NIPAL3: variants seen among roughly 807,000 people sequenced by gnomAD.
The protein encoded by NIPAL3 is NIPA like domain containing 3, also known as NIPA-like protein 3.
Under a neutral mutation model 47.2 loss-of-function variants are expected in NIPAL3, and 41 were observed. The observed-to-expected ratio is 0.87, with a 90% CI of 0.68 to 1.13. The LOEUF is 1.13. NIPAL3 is among the 50% of genes most tolerant of loss of function. The pLI, the probability that NIPAL3 is intolerant of heterozygous loss-of-function variation, is 0.00. For synonymous variants in NIPAL3, 194 were observed against 209.6 expected, an observed-to-expected ratio of 0.93 and a Z score of 0.64; for missense variants, 449 against 530.1, an observed-to-expected ratio of 0.85 and a Z score of 1.50.
Position 24,417,941 on chromosome 1 carries a change from A to G in NIPAL3, c.-257-1350A>G, listed in dbSNP as rs75331978. On this transcript the variant is annotated intron_variant, in intron 1 of 11. Transcript: ENST00000374399. Reference sequence around the variant, plus strand: ...TAAATATTTGTTGGATGAATGCATGAGAGAGAAAGGAATGGACAAAATAAA... The same window carrying G: ...TAAATATTTGTTGGATGAATGCATGGGAGAGAAAGGAATGGACAAAATAAA... 1.2e-3 allele frequency among the ~76,000 whole-genome samples: 185 copies of G among 152,366 alleles called. 2 individuals carry two copies. The East Asian group carries it at 0.032, about 27-fold the overall frequency.
At chr1:24,432,857 G>A (rs1049707906) in intron 2 of NIPAL3, among the ~76,000 whole-genome samples, 1 of 152,248 alleles carries the variant, frequency 6.6e-6, no homozygotes, top group Admixed American at 6.5e-5. Context: ...AGGCTAGTCT[G>A]TCAGTTTCCA....
intron 4 of NIPAL3, among the ~76,000 whole-genome samples, chr1:24,444,388 A>G (rs1281790637): frequency 6.6e-6 from 1 of 152,162 alleles, no homozygotes; most frequent in African/African-American, 2.4e-5. Flanking sequence ...GAAAGGAGAA[A>G]AGGAAGACCT....
At chr1:24,458,619 C>T (rs1255161695) in intron 8 of NIPAL3, among the ~76,000 whole-genome samples, 1 of 151,924 alleles carries the variant, frequency 6.6e-6, no homozygotes, top group East Asian at 1.9e-4. Flanking sequence ...AGGAGCCGTG[C>T]AGCCAAAGGT....
chr1:24,437,170 T>A (rs1645158697), intron 2 of NIPAL3, among the ~76,000 whole-genome samples: 1 of 152,094 alleles, frequency 6.6e-6, no homozygotes, highest in South Asian at 2.1e-4. Flanking sequence ...GAGAATGGCG[T>A]GAACCCGGGA....
rs1645920196 is a variant in NIPAL3 at position 24,451,216 on chromosome 1, G to A, written c.540+1590G>A. Among the ~76,000 whole-genome samples, 2 of 152,246 alleles carry A rather than the reference G, an allele frequency of 1.3e-5. No homozygotes were observed. Among genetic ancestry groups the A allele is most frequent in the South Asian group, 4.1e-4 (2 of 4,834 alleles). ...TCATGACTGGGAGGCAGTGCTGCCA[G>A]CTGGAGAGATTTGGCCAAACCAAAT... On this transcript the variant is annotated intron_variant, in intron 6 of 11. Coordinates refer to ENST00000374399, the MANE Select transcript of NIPAL3 (RefSeq NM_020448.5). The surrounding 1 kb of genome is among the most constrained non-coding windows in gnomAD (Gnocchi z 4.5).
chr1:24,446,171 TTTTCAGAGAAAATTGAATGC>T (rs1411433792), intron 5 of NIPAL3, among the ~76,000 whole-genome samples: 1 of 151,886 alleles, frequency 6.6e-6, no homozygotes, highest in East Asian at 1.9e-4. Flanking sequence ...TGTAGTGAGT[TTTTCAGAGAAAATTGAATGC>T]TTTCGGGGAC....
At chr1:24,445,346 G>C (rs1262679892) in intron 5 of NIPAL3, 102 bp downstream of exon 5, 1 of 793,112 alleles carries the variant, frequency 1.3e-6, no homozygotes, top group African/African-American at 1.7e-5. Context: ...GCCTCCTGCT[G>C]TCCTCTGTGG....
intron 1 of NIPAL3, among the ~76,000 whole-genome samples, chr1:24,417,336 G>C (rs1165209733): frequency 6.6e-6 from 1 of 152,198 alleles, no homozygotes; most frequent in African/African-American, 2.4e-5. Flanking sequence ...CTCCATGACT[G>C]CTTCATGGTT....
intron 2 of NIPAL3, among the ~76,000 whole-genome samples, chr1:24,439,893 A>G (rs1381894674): frequency 6.6e-6 from 1 of 152,228 alleles, no homozygotes; most frequent in Non-Finnish European, 1.5e-5. Context: ...TGGCAAGTTA[A>G]TACTTTAAAG....
Position 24,451,970 on chromosome 1 carries a change from CG to C in NIPAL3, c.541-1434del, listed in dbSNP as rs200857571. On this transcript the variant is annotated intron_variant, in intron 6 of 11. Transcript: ENST00000374399. This position sits in a 1 kb window ranked among gnomAD's most constrained non-coding sequence, Gnocchi z 4.5. ...CACTGGAACAAAGACAAAGAAGAAACGGGGAAATGAAAGCAGCTGTGTTTTA... is the reference window on the plus strand; with the variant it reads ...CACTGGAACAAAGACAAAGAAGAAACGGGAAATGAAAGCAGCTGTGTTTTA... Among the ~76,000 whole-genome samples the C allele has an allele frequency of 8.6e-3, 1,308 of 152,152 alleles. 13 individuals carry two copies. The highest frequency in any genetic ancestry group is 0.015 in the South Asian group (74 of 4,816).
chr1:24,416,239 T>C lies in NIPAL3; in HGVS notation c.-258+335T>C, dbSNP rs1403923907. On this transcript the variant is annotated intron_variant, in intron 1 of 11. Transcript: ENST00000374399. This position sits in a 1 kb window ranked among gnomAD's most constrained non-coding sequence, Gnocchi z 4.8. Reference sequence around the variant, plus strand: ...CAGATGGTGGAGTTAGCAGGTGGGATGAGGGGAGGCGTTCTTGGTCTAAGC... The same window carrying C: ...CAGATGGTGGAGTTAGCAGGTGGGACGAGGGGAGGCGTTCTTGGTCTAAGC... 2 of 985,370 alleles carry C rather than the reference T, an allele frequency of 2.0e-6. No individual in the cohort carries two copies. Among genetic ancestry groups the C allele is most frequent in the Non-Finnish European group, 2.4e-6 (2 of 830,040 alleles). The allele number at this position is 985,370 out of a possible 1,614,324, so 61.0% of individuals were successfully genotyped here. A position where few individuals can be genotyped will look rare whatever the true frequency, so the allele number is the denominator to read the frequency against.
rs1646830896 is a variant in NIPAL3 at position 24,469,351 on chromosome 1, T to C, written c.*166T>C. The C allele has an allele frequency of 4.9e-6, 3 of 615,010 alleles. No individual in the cohort carries two copies. In the South Asian group the frequency reaches 6.7e-5, roughly 14 times the overall value. 38.1% of individuals were successfully genotyped at this position (615,010 alleles called of 1,614,324 possible). A position where few individuals can be genotyped will look rare whatever the true frequency, so the allele number is the denominator to read the frequency against. ...GGGAAAGGATGCGTTATCTTGGTCT[T>C]GGAAATTTCAAATGATGAGGGTTGG... is the stretch of plus-strand genomic sequence containing the variant. On this transcript the variant is annotated 3_prime_UTR_variant, in exon 12 of 12. Coordinates refer to ENST00000374399, the MANE Select transcript of NIPAL3 (RefSeq NM_020448.5).
intron 11 of NIPAL3, 165 bp downstream of exon 11, chr1:24,464,285 G>A (rs1306610198): frequency 4.2e-6 from 2 of 475,162 alleles, no homozygotes; most frequent in Non-Finnish European, 7.3e-6. Context: ...GGTAGGCAAT[G>A]GCTGAGGCAC....
In NIPAL3 at chr1:24,470,472, A is replaced by G. The variant is rs1646867040; in HGVS notation, c.*1287A>G. 1 of 152,168 alleles carries G rather than the reference A, an allele frequency of 6.6e-6. No homozygotes were observed. Among genetic ancestry groups the G allele is most frequent in the Admixed American group, 6.5e-5 (1 of 15,276 alleles). The allele number at this position is 152,168 out of a possible 1,614,324, so 9.4% of individuals were successfully genotyped here. A position where few individuals can be genotyped will look rare whatever the true frequency, so the allele number is the denominator to read the frequency against. On this transcript the variant is annotated 3_prime_UTR_variant, in exon 12 of 12. Transcript: ENST00000374399. The stretch of plus-strand genomic sequence containing the variant: ...ATTCTGATGCGATGCTTCAATCCCG[A>G]GATTTCACATCTGGAAAGCCTAAGA...
In NIPAL3 at chr1:24,442,235, A is replaced by T. The variant is rs1025500290; in HGVS notation, c.334+9A>T. The T allele has an allele frequency of 4.3e-6, 7 of 1,612,420 alleles. No individual in the cohort carries two copies. In the African/African-American group the frequency reaches 9.3e-5, roughly 22 times the overall value. On this transcript the variant is annotated intron_variant, in intron 4 of 11. Transcript: ENST00000374399. ...CGCAGTTTCTGTGATAGGTAAGACC[A>T]GGGCTGCCCCACCCTCCCCTGGGGT... is the stretch of plus-strand genomic sequence containing the variant.
chr1:24,426,787 T>G (rs942644157), intron 2 of NIPAL3, among the ~76,000 whole-genome samples: 1 of 152,152 alleles, frequency 6.6e-6, no homozygotes, highest in Non-Finnish European at 1.5e-5. Context: ...CAGTGTCAAT[T>G]CTACTCTGCC....
chr1:24,461,282 C>T (rs1646457398), intron 10 of NIPAL3, among the ~76,000 whole-genome samples: 1 of 152,180 alleles, frequency 6.6e-6, no homozygotes, highest in Non-Finnish European at 1.5e-5. Flanking sequence ...TGGCTCACAC[C>T]TGTAATCCCA....
At chr1:24,428,037 C>T (rs753406631) in intron 2 of NIPAL3, among the ~76,000 whole-genome samples, 70 of 152,058 alleles carry the variant, frequency 4.6e-4, no homozygotes, top group Non-Finnish European at 4.3e-4. Flanking sequence ...CCCAGGAGTT[C>T]GAGACCAGCC....
intron 3 of NIPAL3, among the ~76,000 whole-genome samples, chr1:24,441,492 C>CA (rs1402741876): frequency 6.6e-6 from 1 of 152,070 alleles, no homozygotes; most frequent in Non-Finnish European, 1.5e-5. Flanking sequence ...CATTTCCCCC[C>CA]AAAAAAGAAT....
Sources: gnomAD v4.1 joint callset for allele counts (sites outside exome capture counted in the v4.1 genomes callset) on GRCh38, gnomAD v4.1.1 for gene constraint, Gnocchi (gnomAD v3.1) non-coding constraint, MANE v1.5 for transcripts, NCBI Gene and HGNC (gene_info 2026-07-23, HGNC 2026-07-21) for gene names.